Variants in ATP6V1C2 observed in about 807,000 individuals in gnomAD.
The protein encoded by ATP6V1C2 is ATPase H+ transporting V1 subunit C2, also known as V-type proton ATPase subunit C 2.
ATP6V1C2 carries 45 observed loss-of-function variants against 56.8 expected under a neutral mutation model. The ratio of observed to expected loss-of-function variants is 0.79; its 90% confidence interval spans 0.62 to 1.02. The LOEUF (loss-of-function observed/expected upper bound fraction) is 1.02, where lower values mean the gene tolerates loss of function less well. Ranked by LOEUF, ATP6V1C2 falls within the 50% of genes least tolerant of loss-of-function variation. The pLI, the probability that ATP6V1C2 is intolerant of heterozygous loss-of-function variation, is 0.00. For missense variants in ATP6V1C2, 463 were observed against 519.7 expected (o/e 0.89, Z 1.06); for synonymous variants, 220 against 201.3 (o/e 1.09, Z -0.79).
intron 3 of ATP6V1C2, among the ~76,000 whole-genome samples, chr2:10,734,883 T>G (rs62128977): frequency 0.12 from 17,858 of 152,114 alleles, 2,210 homozygotes; most frequent in East Asian, 0.39. Flanking sequence ...TAAAATGGCT[T>G]ACTGAGCCTG....
chr2:10,733,009 C>T (rs571465674), intron 3 of ATP6V1C2, among the ~76,000 whole-genome samples: 2 of 151,718 alleles, frequency 1.3e-5, no homozygotes, highest in East Asian at 3.9e-4. Context: ...CGTGAACAGG[C>T]AAGACTGTGG....
rs536655721 is a variant in ATP6V1C2 at position 10,753,937 on chromosome 2, A to G, written c.198-44A>G. 17 of 1,523,598 alleles carry G rather than the reference A, an allele frequency of 1.1e-5. No individual in the cohort carries two copies. The South Asian group carries it at 2.0e-4, about 18-fold the overall frequency. 94.4% of individuals were successfully genotyped at this position (1,523,598 alleles called of 1,614,324 possible). A position where few individuals can be genotyped will look rare whatever the true frequency, so the allele number is the denominator to read the frequency against. On this transcript the variant is annotated intron_variant, in intron 3 of 13. Coordinates refer to ENST00000272238, the MANE Select transcript of ATP6V1C2 (RefSeq NM_001039362.2). Reference sequence around the variant, plus strand: ...AGCAGCATGTGACAGTATTTTGAGGACAGCTTCCTACTCTAACCGGCTCTT... The same window carrying G: ...AGCAGCATGTGACAGTATTTTGAGGGCAGCTTCCTACTCTAACCGGCTCTT...
chr2:10,769,810 C>G (rs1406238563), intron 6 of ATP6V1C2, among the ~76,000 whole-genome samples: 1 of 152,130 alleles, frequency 6.6e-6, no homozygotes, highest in Non-Finnish European at 1.5e-5. Context: ...GGAGGAGCAG[C>G]CCAGTCCCCC....
chr2:10,738,588 AC>A (rs1347388789), intron 3 of ATP6V1C2, among the ~76,000 whole-genome samples: 2 of 152,116 alleles, frequency 1.3e-5, no homozygotes, highest in Non-Finnish European at 2.9e-5. Flanking sequence ...TTCACTTAAC[AC>A]CGTGTTGGTG....
chr2:10,730,606 GGT>G (rs1491284121), intron 3 of ATP6V1C2, among the ~76,000 whole-genome samples: 251 of 82,318 alleles, frequency 3.0e-3, no homozygotes, highest in African/African-American at 8.2e-3. Flanking sequence ...GTTCACAGTG[GGT>G]TTTTTTTTTT....
intron 3 of ATP6V1C2, among the ~76,000 whole-genome samples, chr2:10,750,836 A>G (rs1193126822): frequency 6.6e-6 from 1 of 152,268 alleles, no homozygotes; most frequent in Non-Finnish European, 1.5e-5. Context: ...GCATTAAAAT[A>G]GGAGCTCCGA....
At chr2:10,775,184 G>T in intron 10 of ATP6V1C2, 113 bp downstream of exon 10, 3 of 817,272 alleles carry the variant, frequency 3.7e-6, no homozygotes, top group Non-Finnish European at 6.1e-6. Context: ...CAGGCTCCTG[G>T]GCTCACACCA....
Position 10,778,817 on chromosome 2 carries a change from G to A in ATP6V1C2, c.1061+148G>A, listed in dbSNP as rs186814146. ...GGCTGTTGGCAACACGCTCAATTCC[G>A]AGTCAAGTACACCCTCCCCTCAGCC... On this transcript the variant is annotated intron_variant, in intron 12 of 13. Coordinates refer to ENST00000272238, the MANE Select transcript of ATP6V1C2 (RefSeq NM_001039362.2). 1.1e-3 allele frequency: 819 copies of A among 723,220 alleles called. 5 individuals are homozygous for A. In the African/African-American group the frequency reaches 0.012, roughly 11 times the overall value. The allele number at this position is 723,220 out of a possible 1,614,324, so 44.8% of individuals were successfully genotyped here.
chr2:10,721,379 G>T (rs1017239259), upstream of ATP6V1C2, among the ~76,000 whole-genome samples: 2 of 152,136 alleles, frequency 1.3e-5, no homozygotes, highest in Admixed American at 1.3e-4. Flanking sequence ...ACGCGGCAGC[G>T]CAGTCGTGCG....
chr2:10,723,700 A>G (rs1038639003), intron 2 of ATP6V1C2, among the ~76,000 whole-genome samples: 23 of 151,852 alleles, frequency 1.5e-4, no homozygotes, highest in Middle Eastern at 6.8e-3. Context: ...ATAGCCAGGC[A>G]TGGTGGCGAG....
At chr2:10,750,451 A>G (rs1663143062) in intron 3 of ATP6V1C2, among the ~76,000 whole-genome samples, 1 of 151,782 alleles carries the variant, frequency 6.6e-6, no homozygotes, top group African/African-American at 2.4e-5. Context: ...GGAAGGTGGA[A>G]GTTGCAGTAA....
intron 3 of ATP6V1C2, among the ~76,000 whole-genome samples, chr2:10,733,331 G>A (rs934605193): frequency 6.6e-6 from 1 of 152,140 alleles, no homozygotes; most frequent in Admixed American, 6.5e-5. Flanking sequence ...AAAAGTCCTC[G>A]AGTGTTATTA....
At chr2:10,757,032 T>G (rs1199583011) in intron 4 of ATP6V1C2, among the ~76,000 whole-genome samples, 7 of 86,894 alleles carry the variant, frequency 8.1e-5, no homozygotes, top group African/African-American at 2.1e-4. Context: ...TTTTTTTTTT[T>G]GAGACAGTCT....
intron 6 of ATP6V1C2, among the ~76,000 whole-genome samples, chr2:10,769,671 C>T (rs530186151): frequency 1.3e-5 from 2 of 151,996 alleles, no homozygotes; most frequent in South Asian, 4.2e-4. Flanking sequence ...CACTGCACTC[C>T]AGCCTGGGCA....
intron 3 of ATP6V1C2, among the ~76,000 whole-genome samples, chr2:10,739,340 A>ACC (rs1662424199): frequency 2.6e-5 from 4 of 151,602 alleles, no homozygotes; most frequent in African/African-American, 9.7e-5. Context: ...CCTGCATGAA[A>ACC]CCCTCCATGG....
At chr2:10,741,323 A>C in intron 3 of ATP6V1C2, among the ~76,000 whole-genome samples, 1 of 152,206 alleles carries the variant, frequency 6.6e-6, no homozygotes, top group African/African-American at 2.4e-5. Context: ...TTTCCTGGTG[A>C]CTTTGCTGCA....
At chr2:10,771,559 G>A (rs1027991805) in intron 6 of ATP6V1C2, among the ~76,000 whole-genome samples, 1 of 152,180 alleles carries the variant, frequency 6.6e-6, no homozygotes, top group African/African-American at 2.4e-5. Flanking sequence ...TGTTGGATTC[G>A]GCAGCCCCTT....
In ATP6V1C2 at chr2:10,738,555, C is replaced by T. The variant is rs531269219; in HGVS notation, c.197+11986C>T. ...TTCAGGGACCCACGGCTCCATTGTT[C>T]CCCAGGTCTCAGCAAGGCCTTTTTC... On this transcript the variant is annotated intron_variant, in intron 3 of 13. Transcript: ENST00000272238. Among the ~76,000 whole-genome samples, 109 of 152,292 alleles carry T rather than the reference C, an allele frequency of 7.2e-4. 1 individual carries two copies. The highest frequency in any genetic ancestry group is 2.6e-3 in the African/African-American group (109 of 41,548).
intron 2 of ATP6V1C2, among the ~76,000 whole-genome samples, chr2:10,723,339 A>G (rs1661461607): frequency 6.6e-6 from 1 of 152,052 alleles, no homozygotes; most frequent in African/African-American, 2.4e-5. Context: ...ATCTCAGAAG[A>G]CCCACCATAT....
Sources: allele counts gnomAD v4.1 joint callset (sites outside exome capture counted in the v4.1 genomes callset), GRCh38; gene constraint gnomAD v4.1.1; transcripts MANE v1.5; gene names NCBI Gene and HGNC (gene_info 2026-07-23, HGNC 2026-07-21).